Variants in HIVEP3 observed in about 807,000 individuals in gnomAD.
The protein encoded by HIVEP3 is transcription factor HIVEP3.
In HIVEP3, 49 loss-of-function variants were observed where a neutral mutation model predicts 152.8. The observed-to-expected ratio is 0.32, with a 90% CI of 0.26 to 0.41. HIVEP3 has a LOEUF of 0.41. Ranked by LOEUF, HIVEP3 falls within the 10% of genes least tolerant of loss-of-function variation. The pLI is 1.00. For synonymous variants in HIVEP3, 1,269 were observed against 1,289.0 expected (o/e 0.98, Z 0.33); for missense variants, 2,790 against 3,103.3 (o/e 0.90, Z 2.40).
At chr1:41,628,487 T>C (rs1304967700) in intron 3 of HIVEP3, among the ~76,000 whole-genome samples, 1 of 152,066 alleles carries the variant, frequency 6.6e-6, no homozygotes, top group African/African-American at 2.4e-5. Flanking sequence ...GAATGGAAAC[T>C]GAGGTACTGG....
intron 1 of HIVEP3, among the ~76,000 whole-genome samples, chr1:41,831,527 TC>T (rs750815900): frequency 6.0e-4 from 91 of 152,338 alleles, no homozygotes; most frequent in Non-Finnish European, 4.9e-4. Context: ...CCAATGAGTA[TC>T]GGCTTTCAGA....
At chr1:41,550,911 T>C (rs939160325) in intron 5 of HIVEP3, among the ~76,000 whole-genome samples, 4 of 152,242 alleles carry the variant, frequency 2.6e-5, no homozygotes, top group African/African-American at 9.6e-5. Context: ...TCCAACACTA[T>C]GTTGAATAGG....
At chr1:41,530,295 G>A (rs906903328) in intron 5 of HIVEP3, among the ~76,000 whole-genome samples, 8 of 152,234 alleles carry the variant, frequency 5.3e-5, no homozygotes, top group South Asian at 2.1e-4. Flanking sequence ...GCGGCGGTAC[G>A]CAGAAATGAC....
chr1:41,977,469 C>T (rs1468358039), intron 1 of HIVEP3, among the ~76,000 whole-genome samples: 1 of 152,152 alleles, frequency 6.6e-6, no homozygotes, highest in African/African-American at 2.4e-5. Flanking sequence ...TCCCACCTGC[C>T]AGCCGCCGGT....
intron 1 of HIVEP3, among the ~76,000 whole-genome samples, chr1:41,893,821 TATATAAC>T (rs1383389523): frequency 9.3e-4 from 137 of 147,330 alleles, no homozygotes; most frequent in African/African-American, 3.1e-3. Context: ...TATAATACAT[TATATAAC>T]ATATAATATA....
At chr1:41,528,642 A>ATGCT (rs1217369614) in intron 5 of HIVEP3, among the ~76,000 whole-genome samples, 1 of 74,574 alleles carries the variant, frequency 1.3e-5, no homozygotes, top group Non-Finnish European at 2.7e-5. Context: ...ACTCACCTTC[A>ATGCT]CACACTCCAC....
intron 1 of HIVEP3, among the ~76,000 whole-genome samples, chr1:42,001,755 T>C (rs537743896): frequency 1.1e-4 from 16 of 152,284 alleles, no homozygotes; most frequent in Middle Eastern, 6.8e-3. Flanking sequence ...TGTACAGACA[T>C]ACTGCTTGGT....
At chr1:41,802,251 T>C (rs1225784386) in intron 1 of HIVEP3, among the ~76,000 whole-genome samples, 3 of 152,232 alleles carry the variant, frequency 2.0e-5, no homozygotes, top group Non-Finnish European at 2.9e-5. Flanking sequence ...AGTCTTGCTC[T>C]GTTGCTCAGG....
intron 5 of HIVEP3, 72 bp from the exon 6 acceptor site, chr1:41,524,982 C>A: frequency 1.5e-6 from 2 of 1,378,062 alleles, no homozygotes; most frequent in East Asian, 2.3e-5. Flanking sequence ...AGAAGACGCA[C>A]GCGCTTCCTA....
rs533978146 is a variant in HIVEP3, at chr1:42,016,194, G to A, written n.119+19613C>T. 6.7e-4 allele frequency among the ~76,000 whole-genome samples: 102 copies of A among 152,074 alleles called. 1 individual carries two copies. Among genetic ancestry groups the A allele is most frequent in the Non-Finnish European group, 1.9e-4 (13 of 67,996 alleles). On this transcript the variant is annotated intron_variant and non_coding_transcript_variant, in intron 1 of 3. Transcript: ENST00000489103. ...GTACAGAAAAAGGTCGAGTTTCCAC[G>A]TTTTATTCTCTATGTGCTCCTCATT...
intron 5 of HIVEP3, among the ~76,000 whole-genome samples, chr1:41,536,156 T>C (rs1039448076): frequency 2.0e-5 from 3 of 152,052 alleles, no homozygotes; most frequent in Admixed American, 6.5e-5. Context: ...ACTCTGAATA[T>C]AACAAAAGAT....
chr1:41,900,483 A>T (rs1644602331), intron 1 of HIVEP3, among the ~76,000 whole-genome samples: 1 of 152,054 alleles, frequency 6.6e-6, no homozygotes, highest in Non-Finnish European at 1.5e-5. Flanking sequence ...AATCTAACAG[A>T]CTTCGTTTAT....
chr1:41,563,368 TAA>T (rs36117218), intron 5 of HIVEP3, among the ~76,000 whole-genome samples: 1,481 of 147,222 alleles, frequency 0.01, 24 homozygotes, highest in African/African-American at 0.035. Context: ...AGATAAAAAT[TAA>T]AAAAAAAAAT....
intron 1 of HIVEP3, among the ~76,000 whole-genome samples, chr1:41,751,552 G>A (rs752280301): frequency 2.6e-5 from 4 of 152,028 alleles, no homozygotes; most frequent in Admixed American, 6.6e-5. Flanking sequence ...TTCACGAAAT[G>A]AGCAGGGTTG....
rs114993116 is a variant in HIVEP3, at chr1:41,615,509, C to T, written c.-522+13240G>A. Among the ~76,000 whole-genome samples the T allele has an allele frequency of 4.9e-3, 741 of 152,350 alleles. 2 individuals are homozygous for T. Among genetic ancestry groups the T allele is most frequent in the African/African-American group, 0.016 (669 of 41,588 alleles). The stretch of plus-strand genomic sequence containing the variant: ...GGGCCCAAGGAAGAGAAGGGATTCG[C>T]GCAAGACCACAAGGCCAGTGACAGG... On this transcript the variant is annotated intron_variant, in intron 3 of 8. Coordinates refer to ENST00000372583, the MANE Select transcript of HIVEP3 (RefSeq NM_024503.5).
intron 1 of HIVEP3, among the ~76,000 whole-genome samples, chr1:41,930,971 T>C (rs1336437764): frequency 6.6e-6 from 1 of 152,182 alleles, no homozygotes; most frequent in South Asian, 2.1e-4. Context: ...TATAGAGTTG[T>C]TTACTTTCTT....
At chr1:41,965,448 G>A (rs1645192253) in intron 1 of HIVEP3, among the ~76,000 whole-genome samples, 1 of 152,226 alleles carries the variant, frequency 6.6e-6, no homozygotes, top group Non-Finnish European at 1.5e-5. Context: ...AAAGGAGTAT[G>A]TTCTAACCCA....
At chr1:41,859,594 A>G (rs1643862605) in intron 1 of HIVEP3, among the ~76,000 whole-genome samples, 1 of 152,188 alleles carries the variant, frequency 6.6e-6, no homozygotes, top group Non-Finnish European at 1.5e-5. Flanking sequence ...CTCTGAAGTT[A>G]CCAAGCCAAA....
At chr1:41,967,165 A>G (rs1162243893) in intron 1 of HIVEP3, among the ~76,000 whole-genome samples, 1 of 152,228 alleles carries the variant, frequency 6.6e-6, no homozygotes, top group African/African-American at 2.4e-5. Context: ...AAAGATATTC[A>G]GGACTTGAAC....
Sources: allele counts gnomAD v4.1 joint callset (sites outside exome capture counted in the v4.1 genomes callset), GRCh38; gene constraint gnomAD v4.1.1; transcripts MANE v1.5; gene names NCBI Gene and HGNC (gene_info 2026-07-23, HGNC 2026-07-21).